KLHL29: variants seen among roughly 807,000 people sequenced by gnomAD.
The protein encoded by KLHL29 is kelch-like protein 29.
Under a neutral mutation model 80.4 loss-of-function variants are expected in KLHL29, and 21 were observed. The ratio of observed to expected loss-of-function variants is 0.26; its 90% CI spans 0.19 to 0.38. The LOEUF (loss-of-function observed/expected upper bound fraction) is 0.38. Among genes scored for constraint, KLHL29 ranks in the 10% least tolerant of loss-of-function variants. KLHL29 has a pLI of 1.00. For synonymous variants in KLHL29, 511 were observed against 526.8 expected, an observed-to-expected ratio of 0.97 and a Z score of 0.41; for missense variants, 867 against 1,223.9, an observed-to-expected ratio of 0.71 and a Z score of 4.35.
chr2:23,564,392 G>A (rs990961201), intron 3 of KLHL29, among the ~76,000 whole-genome samples: 2 of 152,176 alleles, frequency 1.3e-5, no homozygotes, highest in Non-Finnish European at 2.9e-5. Context: ...AGGGGGAGAG[G>A]GGGCGAAAGT....
intron 2 of KLHL29, among the ~76,000 whole-genome samples, chr2:23,510,147 A>C (rs976852771): frequency 3.3e-5 from 5 of 152,110 alleles, no homozygotes; most frequent in Non-Finnish European, 7.4e-5. Context: ...ATTCAGTGTG[A>C]GGCCATGTGC....
In KLHL29 at chr2:23,691,854, C is replaced by G; in HGVS notation, c.1260C>G (p.Cys420Trp). 6.4e-7 allele frequency: 1 copy of G among 1,550,932 alleles called. No homozygotes were observed. The highest frequency in any genetic ancestry group is 8.7e-7 in the Non-Finnish European group (1 of 1,146,996). ...AASKFQFHTF[C>W]KVCVSFLEKQ... Reference sequence around the variant, plus strand: ...GCAAGTTCCAGTTCCACACCTTCTGCAAAGTCTGCGTGTCCTTTCTCGGTG... The same window carrying G: ...GCAAGTTCCAGTTCCACACCTTCTGGAAAGTCTGCGTGTCCTTTCTCGGTG... The change falls in exon 7 of 14, where the codon TGC (cysteine) becomes TGG (tryptophan). Residue 420 changes from cysteine to tryptophan, a missense_variant. Cys to Trp is a radical substitution (Grantham distance 215). Coordinates refer to ENST00000486442, the MANE Select transcript of KLHL29 (RefSeq NM_052920.2).
intron 2 of KLHL29, among the ~76,000 whole-genome samples, chr2:23,491,821 C>G (rs1017326920): frequency 6.6e-5 from 10 of 152,178 alleles, no homozygotes; most frequent in Admixed American, 1.3e-4. Context: ...ACCTCCTCCT[C>G]CCATGTCCCC....
chr2:23,481,861 G>A (rs985304591), intron 2 of KLHL29, among the ~76,000 whole-genome samples: 10 of 151,762 alleles, frequency 6.6e-5, no homozygotes, highest in African/African-American at 2.4e-4. Context: ...AGGTTGCAGT[G>A]AGCTGAGATC....
intron 2 of KLHL29, among the ~76,000 whole-genome samples, chr2:23,497,214 A>T (rs1045211441): frequency 1.3e-5 from 2 of 152,034 alleles, no homozygotes; most frequent in Non-Finnish European, 2.9e-5. Flanking sequence ...GGCAACTGCG[A>T]TTACTTGAAA....
chr2:23,597,672 G>T (rs1017212912), intron 3 of KLHL29, among the ~76,000 whole-genome samples: 2 of 151,806 alleles, frequency 1.3e-5, no homozygotes, highest in Admixed American at 1.3e-4. Flanking sequence ...TGATCTGCCC[G>T]CCTTGGCCTC....
At chr2:23,485,316 G>T (rs1276934380) in intron 2 of KLHL29, among the ~76,000 whole-genome samples, 2 of 152,204 alleles carry the variant, frequency 1.3e-5, no homozygotes, top group Non-Finnish European at 2.9e-5. Context: ...CACAAAGAAG[G>T]CTCTCAAATG....
intron 1 of KLHL29, among the ~76,000 whole-genome samples, chr2:23,431,760 G>A (rs1464252043): frequency 6.6e-6 from 1 of 151,826 alleles, no homozygotes. Flanking sequence ...TGGGCGTTGT[G>A]GCGGGCGCCT....
Position 23,669,958 on chromosome 2 carries a change from A to G in KLHL29, c.941-14441A>G, listed in dbSNP as rs1177909798. Among the ~76,000 whole-genome samples, 1 of 152,298 alleles carries G rather than the reference A, an allele frequency of 6.6e-6. No homozygotes were observed. Among genetic ancestry groups the G allele is most frequent in the Non-Finnish European group, 1.5e-5 (1 of 68,026 alleles). On this transcript the variant is annotated intron_variant, in intron 5 of 13. Coordinates refer to ENST00000486442, the MANE Select transcript of KLHL29 (RefSeq NM_052920.2). This position sits in a 1 kb window ranked among gnomAD's most constrained non-coding sequence, Gnocchi z 4.3. The stretch of plus-strand genomic sequence containing the variant: ...AGGGACCCAAGCAGAGAGGGGTGTC[A>G]GTAAAGCCAGAAGCTCAGCTGAAAT...
chr2:23,417,466 G>T (rs547946352), intron 1 of KLHL29, among the ~76,000 whole-genome samples: 1 of 152,144 alleles, frequency 6.6e-6, no homozygotes. Context: ...ACTTACATAC[G>T]TCGAACCTCG....
At chr2:23,559,491 G>T (rs1334600256) in intron 2 of KLHL29, among the ~76,000 whole-genome samples, 1 of 152,092 alleles carries the variant, frequency 6.6e-6, no homozygotes, top group Non-Finnish European at 1.5e-5. Flanking sequence ...GACAGTGATG[G>T]AAGGTCGTGG....
intron 2 of KLHL29, among the ~76,000 whole-genome samples, chr2:23,511,491 C>T (rs1665770641): frequency 6.6e-6 from 1 of 152,102 alleles, no homozygotes; most frequent in Admixed American, 6.6e-5. Context: ...GGGAAGCAGT[C>T]CCTGGAAGGT....
intron 5 of KLHL29, among the ~76,000 whole-genome samples, chr2:23,662,901 T>G (rs148097269): frequency 1.3e-5 from 2 of 152,288 alleles, no homozygotes; most frequent in South Asian, 2.1e-4. Context: ...TGCAAGGCTT[T>G]GAATTAAGCA....
chr2:23,565,286 A>G (rs1395947032), intron 3 of KLHL29, among the ~76,000 whole-genome samples: 1 of 150,936 alleles, frequency 6.6e-6, no homozygotes, highest in Non-Finnish European at 1.5e-5. Context: ...CTGGTCTTGA[A>G]CTCCTGACCT....
At chr2:23,541,245 ATGGATGCATGGG>A (rs1666824792) in intron 2 of KLHL29, among the ~76,000 whole-genome samples, 1 of 152,342 alleles carries the variant, frequency 6.6e-6, no homozygotes, top group African/African-American at 2.4e-5. Flanking sequence ...ACGTGAATGG[ATGGATGCATGGG>A]TGGATGCACG....
chr2:23,547,719 A>G (rs1653786), intron 2 of KLHL29, among the ~76,000 whole-genome samples: 92,708 of 151,724 alleles, frequency 0.61, 30,584 homozygotes, highest in East Asian at 0.94. Flanking sequence ...AACAGAGTGC[A>G]TGTGAAAAGA....
chr2:23,426,754 G>T (rs908610041), intron 1 of KLHL29, among the ~76,000 whole-genome samples: 7 of 152,168 alleles, frequency 4.6e-5, no homozygotes, highest in African/African-American at 1.4e-4. Context: ...AAAGGGCCAG[G>T]TTGCCAGCTC....
intron 2 of KLHL29, among the ~76,000 whole-genome samples, chr2:23,509,497 C>G (rs1237246483): frequency 6.6e-6 from 1 of 151,970 alleles, no homozygotes; most frequent in Non-Finnish European, 1.5e-5. Context: ...CCACTCCCTC[C>G]TCTTTAAGGT....
chr2:23,686,896 C>T (rs1671286174), intron 6 of KLHL29, among the ~76,000 whole-genome samples: 1 of 152,194 alleles, frequency 6.6e-6, no homozygotes. Flanking sequence ...TGTTCGTTTG[C>T]AGCCACAGAG....
Sources: allele counts gnomAD v4.1 joint callset (sites outside exome capture counted in the v4.1 genomes callset), GRCh38; gene constraint gnomAD v4.1.1; non-coding constraint Gnocchi (gnomAD v3.1); transcripts MANE v1.5; gene names NCBI Gene and HGNC (gene_info 2026-07-23, HGNC 2026-07-21).